The following SPICE1 variants were observed in gnomAD, a reference collection of about 807,000 sequenced individuals.
SPICE1 encodes spindle and centriole-associated protein 1.
SPICE1 carries 75 observed loss-of-function variants against 102.7 expected under a neutral mutation model. The ratio of observed to expected loss-of-function variants is 0.73; its 90% confidence interval spans 0.61 to 0.88. The LOEUF (loss-of-function observed/expected upper bound fraction) is 0.88. SPICE1 is among the 40% of genes least tolerant of loss of function. The pLI, the probability that SPICE1 is intolerant of heterozygous loss-of-function variation, is 0.00. For missense variants in SPICE1, 979 were observed against 1,020.1 expected (o/e 0.96, Z 0.55); for synonymous variants, 308 against 350.3 (o/e 0.88, Z 1.35).
chr3:113,477,624 A>G (rs1253496440), intron 7 of SPICE1, among the ~76,000 whole-genome samples: 1 of 152,156 alleles, frequency 6.6e-6, no homozygotes, highest in East Asian at 1.9e-4. Context: ...TGATAAGTTC[A>G]TGTCCTTTGT....
chr3:113,509,976 T>G (rs1231754120), intron 1 of SPICE1, among the ~76,000 whole-genome samples: 1 of 152,254 alleles, frequency 6.6e-6, no homozygotes, highest in Admixed American at 6.5e-5. Context: ...TCCTGAGGCC[T>G]GCAAAACTGT....
chr3:113,478,991 A>T (rs1474123513), intron 7 of SPICE1, among the ~76,000 whole-genome samples: 4 of 152,104 alleles, frequency 2.6e-5, no homozygotes, highest in African/African-American at 9.7e-5. Context: ...AATTATTATT[A>T]TACTTTAAGT....
intron 7 of SPICE1, among the ~76,000 whole-genome samples, chr3:113,480,002 T>C (rs975951164): frequency 3.9e-5 from 6 of 152,046 alleles, no homozygotes. Context: ...AATAACCTAA[T>C]TTTAAAGAAA....
At chr3:113,496,967 G>A (rs1431962475) in intron 4 of SPICE1, among the ~76,000 whole-genome samples, 6 of 152,184 alleles carry the variant, frequency 3.9e-5, no homozygotes, top group Non-Finnish European at 8.8e-5. Context: ...GTGGGTAACT[G>A]ACAGTACTAC....
intron 7 of SPICE1, 73 bp from the exon 8 acceptor site, chr3:113,469,311 G>C (rs1936138672): frequency 1.9e-6 from 1 of 530,692 alleles, no homozygotes; most frequent in Non-Finnish European, 2.5e-6. Flanking sequence ...TAAATTAAAT[G>C]ATAGCAGGCA....
chr3:113,486,970 G>A (rs537735801), intron 7 of SPICE1, among the ~76,000 whole-genome samples: 1 of 151,606 alleles, frequency 6.6e-6, no homozygotes. Flanking sequence ...GTGTAGACGG[G>A]AACTAGTTAG....
chr3:113,457,176 G>A lies in SPICE1; in HGVS notation c.1617C>T (p.Pro539=), dbSNP rs1935796803. ...IFEPAVLLTP[P]RQKSNLKFSP... ...AGAATTTTAAGTTGCTCTTCTGCCTGGGTGGTGTTAACAACACAGCTGGCT... is the reference window on the plus strand; with the variant it reads ...AGAATTTTAAGTTGCTCTTCTGCCTAGGTGGTGTTAACAACACAGCTGGCT... Residue 539 remains proline (P), a synonymous_variant, in exon 13 of 18, where the codon CCC becomes CCT. Transcript: ENST00000295872. 1.2e-6 allele frequency: 2 copies of A among 1,614,030 alleles called. No individual in the cohort carries two copies. The highest frequency in any genetic ancestry group is 1.7e-6 in the Non-Finnish European group (2 of 1,180,028).
intron 2 of SPICE1, among the ~76,000 whole-genome samples, chr3:113,503,750 T>A (rs1304231903): frequency 1.3e-5 from 2 of 151,862 alleles, no homozygotes; most frequent in East Asian, 1.9e-4. Flanking sequence ...CAGGCCAACA[T>A]GGCAAAACTC....
chr3:113,470,164 G>A (rs1576630454), intron 7 of SPICE1, among the ~76,000 whole-genome samples: 2 of 152,116 alleles, frequency 1.3e-5, no homozygotes, highest in South Asian at 4.1e-4. Context: ...CCTTCTTCTG[G>A]AGGCTTAGTA....
intron 7 of SPICE1, among the ~76,000 whole-genome samples, chr3:113,472,713 A>G (rs1348990296): frequency 2.6e-5 from 4 of 152,236 alleles, no homozygotes; most frequent in African/African-American, 7.2e-5. Context: ...CAACAGACCT[A>G]CAGCTGAGGG....
rs184192263 is a variant in SPICE1, at chr3:113,472,563, G to A, written c.612-3325C>T. ...GTAGGGGCAGACTGACACCTCACAC[G>A]GCCGGGTATTCCTCTGAGACAAAAA... On this transcript the variant is annotated intron_variant, in intron 7 of 17. Coordinates refer to ENST00000295872, the MANE Select transcript of SPICE1 (RefSeq NM_144718.4). 2.8e-3 allele frequency among the ~76,000 whole-genome samples: 424 copies of A among 152,244 alleles called. 3 individuals carry two copies. The highest frequency in any genetic ancestry group is 0.014 in the Middle Eastern group (4 of 294).
At chr3:113,445,580 C>G (rs1162368071) in intron 17 of SPICE1, among the ~76,000 whole-genome samples, 1 of 152,118 alleles carries the variant, frequency 6.6e-6, no homozygotes, top group African/African-American at 2.4e-5. Context: ...ATTTAGGAGT[C>G]ATAATTTTTT....
intron 13 of SPICE1, among the ~76,000 whole-genome samples, chr3:113,454,475 A>G (rs1020190877): frequency 3.9e-5 from 6 of 152,268 alleles, no homozygotes; most frequent in African/African-American, 1.4e-4. Context: ...TTGCAAGGCC[A>G]AGGTCGGCAG....
chr3:113,465,851 C>T (rs1936044346), intron 10 of SPICE1, 67 bp from the exon 11 acceptor site: 6 of 1,472,918 alleles, frequency 4.1e-6, no homozygotes, highest in Non-Finnish European at 5.6e-6. Context: ...AGTTTGCACT[C>T]AAAGCTGGCA....
chr3:113,445,306 C>T lies in SPICE1; in HGVS notation c.*1G>A, dbSNP rs781615610. 2 of 1,611,858 alleles carry T rather than the reference C, an allele frequency of 1.2e-6. No homozygotes were observed. Among genetic ancestry groups the T allele is most frequent in the Admixed American group, 1.7e-5 (1 of 59,816 alleles). ...ACAAACTCAGTGAGACTTGACTTCA[C>T]TTATGATACATGGGTAGAAAGAGCA... is the stretch of plus-strand genomic sequence containing the variant. On this transcript the variant is annotated 3_prime_UTR_variant, in exon 18 of 18. Transcript: ENST00000295872.
rs1453117822 is a variant in SPICE1, at chr3:113,448,065, G to A, written c.2399C>T (p.Ser800Phe). ...TCTTGTATTTATCCCGCTGACGGGAGAGACAGTACTACATTTTGAGCTTTC... is the reference window on the plus strand; with the variant it reads ...TCTTGTATTTATCCCGCTGACGGGAAAGACAGTACTACATTTTGAGCTTTC... ...APESSKCSTV[S>F]PVSGINTRRS... Residue 800 changes from serine to phenylalanine, a missense_variant, in exon 16 of 18, where the codon TCT becomes TTT. Coordinates refer to ENST00000295872, the MANE Select transcript of SPICE1 (RefSeq NM_144718.4). The A allele has an allele frequency of 1.9e-6, 3 of 1,610,354 alleles. No homozygotes were observed. Among genetic ancestry groups the A allele is most frequent in the South Asian group, 2.2e-5 (2 of 90,062 alleles).
At position 113,453,531 on chromosome 3, in the gene SPICE1, T is replaced by C; in HGVS notation, c.2077A>G (p.Arg693Gly). The change falls in exon 14 of 18, where the codon AGA becomes GGA. Residue 693 changes from arginine (R) to glycine (G), a missense_variant. Physicochemically the swap from Arg to Gly is moderately radical, Grantham distance 125. Transcript: ENST00000295872. ...CGGAGTCCATCCCCTTGCTCTCCTCTGGGCTCAATAATATTATTCATATGT... is the reference window on the plus strand; with the variant it reads ...CGGAGTCCATCCCCTTGCTCTCCTCCGGGCTCAATAATATTATTCATATGT... ...KAHMNNIIEPRGEQGDGLREL... is the reference protein window; with the variant it reads ...KAHMNNIIEPGGEQGDGLREL... The C allele has an allele frequency of 6.2e-7, 1 of 1,614,228 alleles. No homozygotes were observed. Among genetic ancestry groups the C allele is most frequent in the Non-Finnish European group, 8.5e-7 (1 of 1,180,036 alleles).
At chr3:113,462,224 C>T (rs1935947938) in intron 11 of SPICE1, among the ~76,000 whole-genome samples, 1 of 152,212 alleles carries the variant, frequency 6.6e-6, no homozygotes, top group African/African-American at 2.4e-5. Flanking sequence ...CCAATAACTC[C>T]TCATGTAATA....
Position 113,471,669 on chromosome 3 carries a change from T to C in SPICE1, c.612-2431A>G, listed in dbSNP as rs559396565. 5.3e-5 allele frequency among the ~76,000 whole-genome samples: 8 copies of C among 152,310 alleles called. No homozygotes were observed. In the South Asian group the frequency reaches 8.3e-4, roughly 16 times the overall value. On this transcript the variant is annotated intron_variant, in intron 7 of 17. Coordinates refer to ENST00000295872, the MANE Select transcript of SPICE1 (RefSeq NM_144718.4). ...ACGGGATACGCATGGAAGCATAGTA[T>C]GTAAATACTTCATGTTCTGTCAAAG...
Sources: allele counts gnomAD v4.1 joint callset (sites outside exome capture counted in the v4.1 genomes callset), GRCh38; gene constraint gnomAD v4.1.1; transcripts MANE v1.5; gene names NCBI Gene and HGNC (gene_info 2026-07-23, HGNC 2026-07-21).